HMGN3: variants seen among roughly 807,000 people sequenced by gnomAD.
HMGN3 encodes the protein high mobility group nucleosome-binding domain-containing protein 3.
HMGN3 carries 6 observed loss-of-function variants against 18.8 expected under a neutral mutation model. The observed-to-expected ratio is 0.32, with a 90% CI of 0.18 to 0.63. The LOEUF is 0.63. Among genes scored for constraint, HMGN3 ranks in the 30% least tolerant of loss-of-function variants. HMGN3 has a pLI of 0.79. For synonymous variants in HMGN3, 40 were observed against 36.5 expected, an observed-to-expected ratio of 1.10 and a Z score of -0.35; for missense variants, 107 against 114.2, an observed-to-expected ratio of 0.94 and a Z score of 0.29.
chr6:79,233,937 G>A (rs920633570), intron 1 of HMGN3: 5 of 152,712 alleles, frequency 3.3e-5, no homozygotes, highest in East Asian at 1.9e-4. Flanking sequence ...GGTAGGTCCA[G>A]GCCGCCAGGC....
chr6:79,234,035 T>A (rs937035571), intron 1 of HMGN3: 11 of 153,670 alleles, frequency 7.2e-5, no homozygotes, highest in African/African-American at 2.2e-4. Context: ...GAGCGCTATT[T>A]TAAACATGGC....
rs1400686619 is a variant in HMGN3, at chr6:79,226,545, T to C, written c.15+8001A>G. The stretch of plus-strand genomic sequence containing the variant: ...AATTATAGTATATACTTCTCTCGCA[T>C]TTATTTCTAATAATTTCACATTTTT... On this transcript the variant is annotated intron_variant, in intron 1 of 5. Transcript: ENST00000344726. Among the ~76,000 whole-genome samples, 3 of 152,226 alleles carry C rather than the reference T, an allele frequency of 2.0e-5. No individual in the cohort carries two copies. In the East Asian group the frequency reaches 5.8e-4, roughly 29 times the overall value.
intron 1 of HMGN3, among the ~76,000 whole-genome samples, chr6:79,220,868 TA>T (rs1279845763): frequency 6.6e-6 from 1 of 152,154 alleles, no homozygotes; most frequent in East Asian, 1.9e-4. Flanking sequence ...TGGTTATCTT[TA>T]GGGGGGATGA....
At position 79,214,387 on chromosome 6, in the gene HMGN3, G is replaced by A. The variant is rs575667263; in HGVS notation, c.66+585C>T. ...TGGCTAACTTTTTATATTTTTAGTA[G>A]AGATGGGGTTTCACCGTGTTAGCCA... On this transcript the variant is annotated intron_variant, in intron 2 of 5. Coordinates refer to ENST00000344726, the Ensembl canonical transcript of HMGN3. 2.7e-4 allele frequency among the ~76,000 whole-genome samples: 41 copies of A among 152,038 alleles called. No individual in the cohort carries two copies. The Middle Eastern group carries it at 0.01, about 38-fold the overall frequency.
chr6:79,215,126 G>T, intron 1 of HMGN3, 104 bp from the exon 2 acceptor site: 2 of 703,052 alleles, frequency 2.8e-6, no homozygotes, highest in South Asian at 1.9e-5. Context: ...CAAGCCAACA[G>T]ATTTTTTTGC....
At position 79,225,027 on chromosome 6, in the gene HMGN3, G is replaced by T. The variant is rs538464616; in HGVS notation, c.15+9519C>A. ...ATGAGAAGTAGTCAGAATATAGTTT[G>T]TTAAAAAATGTATTAAATAAAATAC... On this transcript the variant is annotated intron_variant, in intron 1 of 5. Transcript: ENST00000344726. Among the ~76,000 whole-genome samples the T allele has an allele frequency of 4.6e-5, 7 of 152,314 alleles. No homozygotes were observed. The East Asian group carries it at 1.4e-3, about 29-fold the overall frequency.
At chr6:79,207,399 T>G (rs1253435278) in intron 3 of HMGN3, among the ~76,000 whole-genome samples, 2 of 152,178 alleles carry the variant, frequency 1.3e-5, no homozygotes, top group Admixed American at 1.3e-4. Flanking sequence ...TGAGATCTGA[T>G]GGTTTTAAAA....
At chr6:79,213,856 T>C (rs529564163) in intron 2 of HMGN3, among the ~76,000 whole-genome samples, 1 of 152,324 alleles carries the variant, frequency 6.6e-6, no homozygotes, top group African/African-American at 2.4e-5. Flanking sequence ...TGTAACTAGA[T>C]ATTGTTTTTG....
intron 1 of HMGN3, among the ~76,000 whole-genome samples, chr6:79,216,282 A>G (rs1327416168): frequency 1.3e-5 from 2 of 152,240 alleles, no homozygotes; most frequent in South Asian, 2.1e-4. Context: ...AGTAAATAAT[A>G]GAGAAATGAT....
intron 3 of HMGN3, among the ~76,000 whole-genome samples, chr6:79,206,587 C>T (rs1356025761): frequency 2.0e-5 from 3 of 152,190 alleles, no homozygotes; most frequent in South Asian, 2.1e-4. Context: ...CCCAGGCAGA[C>T]GTTGTTGCAG....
At chr6:79,223,412 G>C (rs1176981155) in intron 1 of HMGN3, among the ~76,000 whole-genome samples, 1 of 152,194 alleles carries the variant, frequency 6.6e-6, no homozygotes, top group African/African-American at 2.4e-5. Context: ...TCAGGAGACT[G>C]AGGCAGGAGA....
At chr6:79,228,415 T>A (rs547417341) in intron 1 of HMGN3, among the ~76,000 whole-genome samples, 3 of 152,300 alleles carry the variant, frequency 2.0e-5, no homozygotes, top group African/African-American at 7.2e-5. Context: ...AGATTCCATA[T>A]CAATATTTAA....
Position 79,203,573 on chromosome 6 carries a change from T to G in HMGN3, c.147+7A>C, listed in dbSNP as rs747974301. ...AAAAGCCAAAAGTGGGAAACAGCAC[T>G]TCTTACCTTAGCAGATGTTTTTCTT... On this transcript the variant is annotated splice_region_variant and intron_variant, in intron 4 of 5. Coordinates refer to ENST00000344726, the Ensembl canonical transcript of HMGN3. The G allele has an allele frequency of 2.7e-5, 43 of 1,612,072 alleles. No individual in the cohort carries two copies. Among genetic ancestry groups the G allele is most frequent in the Admixed American group, 3.3e-5 (2 of 59,970 alleles).
intron 2 of HMGN3, among the ~76,000 whole-genome samples, chr6:79,212,216 C>T (rs1033473071): frequency 2.0e-5 from 3 of 152,088 alleles, no homozygotes; most frequent in African/African-American, 7.2e-5. Flanking sequence ...GATTTTGGAA[C>T]AGGAGATGCA....
chr6:79,201,494 T>A (rs768904094), exon 6 of HMGN3: 20 of 547,022 alleles, frequency 3.7e-5, no homozygotes, highest in Non-Finnish European at 6.2e-5. Flanking sequence ...TTAACTGATA[T>A]TTATTTTACT....
intron 1 of HMGN3, among the ~76,000 whole-genome samples, chr6:79,224,529 G>A (rs537919761): frequency 3.3e-5 from 5 of 152,112 alleles, no homozygotes; most frequent in Admixed American, 6.5e-5. Flanking sequence ...AAAGTCATAC[G>A]CACGGATCTG....
intron 1 of HMGN3, among the ~76,000 whole-genome samples, chr6:79,232,792 T>C (rs527808375): frequency 6.6e-6 from 1 of 152,260 alleles, no homozygotes; most frequent in East Asian, 1.9e-4. Context: ...GAAAAAAAGA[T>C]GGCCTCCAGC....
intron 1 of HMGN3, among the ~76,000 whole-genome samples, chr6:79,221,912 T>C (rs1777308212): frequency 6.6e-6 from 1 of 152,162 alleles, no homozygotes. Context: ...CATTGGTACA[T>C]GTATTGGTAC....
intron 1 of HMGN3, among the ~76,000 whole-genome samples, chr6:79,217,442 A>G (rs1250587108): frequency 6.6e-6 from 1 of 152,204 alleles, no homozygotes; most frequent in Admixed American, 6.5e-5. Context: ...CAGCTAACTC[A>G]AAGGGTACTG....
Sources: gnomAD v4.1 joint callset for allele counts (sites outside exome capture counted in the v4.1 genomes callset) on GRCh38, gnomAD v4.1.1 for gene constraint, MANE v1.5 for transcripts, NCBI Gene and HGNC (gene_info 2026-07-23, HGNC 2026-07-21) for gene names.